Variants in CDC42SE2 observed in about 807,000 individuals in gnomAD.
CDC42SE2 encodes the protein CDC42 small effector 2.
Under a neutral mutation model 11.5 loss-of-function variants are expected in CDC42SE2, and 3 were observed. That is an observed-to-expected ratio of 0.26 (90% CI 0.12 to 0.67). The LOEUF is 0.67. CDC42SE2 is among the 30% of genes least tolerant of loss of function. The pLI is 0.80. For missense variants in CDC42SE2, 82 were observed against 106.8 expected (o/e 0.77, Z 1.02); for synonymous variants, 33 against 34.8 (o/e 0.95, Z 0.18).
chr5:131,298,083 A>T (rs1757608125), intron 1 of CDC42SE2, among the ~76,000 whole-genome samples: 1 of 151,334 alleles, frequency 6.6e-6, no homozygotes, highest in Non-Finnish European at 1.5e-5. Context: ...ATGTGCTTTC[A>T]TTCAGCTGCT....
rs867994585 is a variant in CDC42SE2, at chr5:131,311,808, A to C, written c.-454-4168A>C. Among the ~76,000 whole-genome samples, 13 of 151,984 alleles carry C rather than the reference A, an allele frequency of 8.6e-5. No homozygotes were observed. The South Asian group carries it at 1.7e-3, about 19-fold the overall frequency. ...TTCAGCTCCATCAGCTCCTTTAAGC[A>C]CTTCTCTGTATTGGTTATTCTAGTT... On this transcript the variant is annotated intron_variant, in intron 1 of 4. Coordinates refer to ENST00000505065, the MANE Select transcript of CDC42SE2 (RefSeq NM_001375635.1).
chr5:131,234,322 T>C, the CDC42SE2 span, among the ~76,000 whole-genome samples: 2 of 152,066 alleles, frequency 1.3e-5, no homozygotes, highest in Non-Finnish European at 2.9e-5. Context: ...CAATAGGAGA[T>C]AGATAGATAG....
chr5:131,265,204 A>C (rs956260151), intron 1 of CDC42SE2, among the ~76,000 whole-genome samples: 1 of 152,240 alleles, frequency 6.6e-6, no homozygotes, highest in Non-Finnish European at 1.5e-5. Flanking sequence ...TATTATGAAC[A>C]TAGAAAATAT....
At position 131,393,977 on chromosome 5, in the gene CDC42SE2, G is replaced by C. The variant is rs1250360859; in HGVS notation, c.*2886G>C. On this transcript the variant is annotated 3_prime_UTR_variant, in exon 5 of 5. Coordinates refer to ENST00000505065, the MANE Select transcript of CDC42SE2 (RefSeq NM_001375635.1). ...AACTACACTTTATACAGGAGCACAT[G>C]CCAAAGTGCCTGGGAGGTGCCAATA... The C allele has an allele frequency of 2.6e-5, 4 of 152,104 alleles. No homozygotes were observed. Among genetic ancestry groups the C allele is most frequent in the African/African-American group, 9.7e-5 (4 of 41,380 alleles). The allele number at this position is 152,104 out of a possible 1,614,324, so 9.4% of individuals were successfully genotyped here.
intron 2 of CDC42SE2, among the ~76,000 whole-genome samples, chr5:131,319,249 TG>T (rs1275049778): frequency 6.6e-6 from 1 of 152,124 alleles, no homozygotes; most frequent in African/African-American, 2.4e-5. Context: ...CACTTCATTC[TG>T]GTTTTCCAAG....
At chr5:131,311,766 G>A (rs989554917) in intron 1 of CDC42SE2, among the ~76,000 whole-genome samples, 6 of 152,090 alleles carry the variant, frequency 3.9e-5, no homozygotes, top group African/African-American at 1.4e-4. Flanking sequence ...TCTTCCCGTA[G>A]TTCTTGAGCT....
chr5:131,339,832 A>T (rs1758669228), intron 2 of CDC42SE2, among the ~76,000 whole-genome samples: 1 of 151,576 alleles, frequency 6.6e-6, no homozygotes, highest in Non-Finnish European at 1.5e-5. Flanking sequence ...AAGAGAGAGA[A>T]AATTATGATC....
intron 3 of CDC42SE2, among the ~76,000 whole-genome samples, chr5:131,377,278 T>C (rs1419418191): frequency 6.6e-6 from 1 of 151,904 alleles, no homozygotes; most frequent in Non-Finnish European, 1.5e-5. Flanking sequence ...AAACGATTAT[T>C]GTGTCTCAGC....
chr5:131,265,230 T>A (rs1387740731), intron 1 of CDC42SE2, among the ~76,000 whole-genome samples: 4 of 152,228 alleles, frequency 2.6e-5, no homozygotes, highest in Non-Finnish European at 5.9e-5. Context: ...AAATTTGGAT[T>A]TTCTCTTTTG....
chr5:131,377,107 A>C (rs1329185279), intron 3 of CDC42SE2, among the ~76,000 whole-genome samples: 1 of 151,984 alleles, frequency 6.6e-6, no homozygotes, highest in South Asian at 2.1e-4. Flanking sequence ...CATTCCCACC[A>C]GCAGTATATA....
chr5:131,347,879 A>G (rs550613917), intron 2 of CDC42SE2, among the ~76,000 whole-genome samples: 3 of 152,346 alleles, frequency 2.0e-5, no homozygotes, highest in Admixed American at 6.5e-5. Flanking sequence ...CATCATATAA[A>G]CAGAACCAAA....
intron 2 of CDC42SE2, among the ~76,000 whole-genome samples, chr5:131,328,336 G>A (rs1478418167): frequency 6.6e-6 from 1 of 151,868 alleles, no homozygotes; most frequent in Admixed American, 6.6e-5. Context: ...TCCAGCCTTT[G>A]AGATTTTTTT....
intron 3 of CDC42SE2, among the ~76,000 whole-genome samples, chr5:131,368,816 A>G (rs1749934780): frequency 6.6e-6 from 1 of 152,306 alleles, no homozygotes; most frequent in East Asian, 1.9e-4. Flanking sequence ...CATTTTGTCC[A>G]TAAATATTTC....
intron 1 of CDC42SE2, among the ~76,000 whole-genome samples, chr5:131,306,978 G>C (rs1757791544): frequency 6.6e-6 from 1 of 151,892 alleles, no homozygotes; most frequent in Non-Finnish European, 1.5e-5. Flanking sequence ...AGTTCTAACA[G>C]TTTTTTGGTG....
In CDC42SE2 at chr5:131,391,536, G is replaced by GT. The variant is rs1432238296; in HGVS notation, c.*446dup. 1 of 152,460 alleles carries GT rather than the reference G, an allele frequency of 6.6e-6. No individual in the cohort carries two copies. Among genetic ancestry groups the GT allele is most frequent in the Admixed American group, 6.5e-5 (1 of 15,280 alleles). 9.4% of individuals were successfully genotyped at this position (152,460 alleles called of 1,614,324 possible). A position where few individuals can be genotyped will look rare whatever the true frequency, so the allele number is the denominator to read the frequency against. ...AAAATACAAAAATTAGCTGGGCATGGTGGCGCATGCCTGTAATCGCAGCTA... is the reference window on the plus strand; with the variant it reads ...AAAATACAAAAATTAGCTGGGCATGGTTGGCGCATGCCTGTAATCGCAGCTA... On this transcript the variant is annotated 3_prime_UTR_variant, in exon 5 of 5. Transcript: ENST00000505065.
rs1750711863 is a variant in CDC42SE2 at position 131,393,013 on chromosome 5, T to G, written c.*1922T>G. ...TGTCCTTGCACGAATTTTGTATATTTCAAATATTTCTGTAAAGGTTTCTTC... is the reference window on the plus strand; with the variant it reads ...TGTCCTTGCACGAATTTTGTATATTGCAAATATTTCTGTAAAGGTTTCTTC... On this transcript the variant is annotated 3_prime_UTR_variant, in exon 5 of 5. Coordinates refer to ENST00000505065, the MANE Select transcript of CDC42SE2 (RefSeq NM_001375635.1). 6.6e-6 allele frequency: 1 copy of G among 152,348 alleles called. No individual in the cohort carries two copies. Among genetic ancestry groups the G allele is most frequent in the African/African-American group, 2.4e-5 (1 of 41,448 alleles). 9.4% of individuals were successfully genotyped at this position (152,348 alleles called of 1,614,324 possible). A position where few individuals can be genotyped will look rare whatever the true frequency, so the allele number is the denominator to read the frequency against.
intron 4 of CDC42SE2, among the ~76,000 whole-genome samples, chr5:131,390,023 AAG>A (rs1750601006): frequency 6.6e-6 from 1 of 152,244 alleles, no homozygotes; most frequent in African/African-American, 2.4e-5. Flanking sequence ...TTTCAGCAAA[AAG>A]AAAATATCCC....
chr5:131,339,246 GAAAAAAAAAA>G (rs34594352), intron 2 of CDC42SE2, among the ~76,000 whole-genome samples: 420 of 28,244 alleles, frequency 0.015, 14 homozygotes, highest in African/African-American at 0.041. Context: ...GACTCTGTCT[GAAAAAAAAAA>G]AAAAAAAAAA....
upstream of CDC42SE2, among the ~76,000 whole-genome samples, chr5:131,259,838 T>C (rs1014065835): frequency 4.6e-5 from 7 of 152,402 alleles, 1 homozygote; most frequent in South Asian, 6.2e-4. Context: ...TTGAGCCTTA[T>C]TTCTCTTAGC....
Sources: allele counts gnomAD v4.1 joint callset (sites outside exome capture counted in the v4.1 genomes callset), GRCh38; gene constraint gnomAD v4.1.1; transcripts MANE v1.5; gene names NCBI Gene and HGNC (gene_info 2026-07-23, HGNC 2026-07-21).